The following RBMS3 variants were observed in gnomAD, a reference collection of about 807,000 sequenced individuals.
RBMS3 encodes the protein RNA binding motif single stranded interacting protein 3.
RBMS3 carries 27 observed loss-of-function variants against 66.8 expected under a neutral mutation model. The ratio of observed to expected loss-of-function variants is 0.40; its 90% CI spans 0.30 to 0.56. The LOEUF is 0.56. Among genes scored for constraint, RBMS3 ranks in the 20% least tolerant of loss-of-function variants. The pLI, the probability that RBMS3 is intolerant of heterozygous loss-of-function variation, is 0.40. For synonymous variants in RBMS3, 188 were observed against 183.0 expected (o/e 1.03, Z -0.22); for missense variants, 513 against 549.5 (o/e 0.93, Z 0.66).
chr3:29,519,632 T>C (rs1359885379), intron 3 of RBMS3, among the ~76,000 whole-genome samples: 1 of 152,124 alleles, frequency 6.6e-6, no homozygotes, highest in Non-Finnish European at 1.5e-5. Flanking sequence ...TTGGTTTCTA[T>C]CTGAATGAAA....
chr3:29,845,239 T>C (rs1319583223), intron 6 of RBMS3, among the ~76,000 whole-genome samples: 2 of 152,208 alleles, frequency 1.3e-5, no homozygotes, highest in African/African-American at 4.8e-5. Flanking sequence ...GCTATTATTA[T>C]TTTAGAGGGA....
chr3:29,601,886 C>T (rs565448865), intron 4 of RBMS3, among the ~76,000 whole-genome samples: 1 of 152,110 alleles, frequency 6.6e-6, no homozygotes, highest in South Asian at 2.1e-4. Context: ...TATGAGTGAG[C>T]ATAGGCTGTG....
At chr3:29,826,122 A>G (rs1249330613) in intron 6 of RBMS3, among the ~76,000 whole-genome samples, 1 of 152,182 alleles carries the variant, frequency 6.6e-6, no homozygotes, top group African/African-American at 2.4e-5. Flanking sequence ...TACTGATGGC[A>G]TGTATATCAA....
intron 1 of RBMS3, among the ~76,000 whole-genome samples, chr3:29,383,992 T>G (rs2125629189): frequency 6.6e-6 from 1 of 152,290 alleles, no homozygotes; most frequent in Non-Finnish European, 1.5e-5. Flanking sequence ...AAATAAACCA[T>G]TACCTGAGGT....
chr3:29,441,658 G>A (rs562494150), intron 2 of RBMS3, among the ~76,000 whole-genome samples: 5 of 152,228 alleles, frequency 3.3e-5, no homozygotes, highest in Middle Eastern at 3.4e-3. Flanking sequence ...ATGACTACTC[G>A]TGAGAATCCC....
In RBMS3 at chr3:30,008,604, A is replaced by G. The variant is rs1224395874; in HGVS notation, c.*4742A>G. On this transcript the variant is annotated 3_prime_UTR_variant, in exon 15 of 15. Transcript: ENST00000383767. ...CTGGGACTGACAGCCTCTCACTTCA[A>G]TCTGAGGGATTGACAGAATTTAAAC... is the stretch of plus-strand genomic sequence containing the variant. The G allele has an allele frequency of 6.6e-6, 1 of 152,042 alleles. No individual in the cohort carries two copies. The highest frequency in any genetic ancestry group is 1.5e-5 in the Non-Finnish European group (1 of 67,954). 9.4% of individuals were successfully genotyped at this position (152,042 alleles called of 1,614,324 possible). A position where few individuals can be genotyped will look rare whatever the true frequency, so the allele number is the denominator to read the frequency against.
chr3:29,392,559 G>A (rs1000143094), intron 1 of RBMS3, among the ~76,000 whole-genome samples: 2 of 152,120 alleles, frequency 1.3e-5, no homozygotes, highest in Admixed American at 6.5e-5. Flanking sequence ...CCACCATTTA[G>A]TACTTATTAT....
intron 5 of RBMS3, among the ~76,000 whole-genome samples, chr3:29,745,014 A>AC (rs917748641): frequency 4.1e-4 from 62 of 150,958 alleles, no homozygotes; most frequent in African/African-American, 8.0e-4. Context: ...ACTGGAAAGA[A>AC]CCCCCCCGCC....
rs1411353725 is a variant in RBMS3, at chr3:29,986,366, A to C, written c.1099-1777A>C. Among the ~76,000 whole-genome samples, 3 of 152,352 alleles carry C rather than the reference A, an allele frequency of 2.0e-5. No homozygotes were observed. The East Asian group carries it at 5.8e-4, about 29-fold the overall frequency. On this transcript the variant is annotated intron_variant, in intron 12 of 14. Transcript: ENST00000383767. ...ATACCAAAATCAAAACAAAAGTTTT[A>C]GAAATACTAGTTTATCACCTTTAAT...
intron 2 of RBMS3, among the ~76,000 whole-genome samples, chr3:29,442,653 G>A (rs2041671488): frequency 6.6e-6 from 1 of 151,968 alleles, no homozygotes; most frequent in Admixed American, 6.6e-5. Context: ...AAAATTTGAG[G>A]GACTTGAGTT....
intron 2 of RBMS3, among the ~76,000 whole-genome samples, chr3:29,439,046 G>T (rs1394646658): frequency 6.6e-6 from 1 of 152,158 alleles, no homozygotes; most frequent in African/African-American, 2.4e-5. Flanking sequence ...TGGAAGAGCA[G>T]CCAGGTAAAG....
intron 3 of RBMS3, among the ~76,000 whole-genome samples, chr3:29,556,614 A>G (rs890069293): frequency 1.3e-5 from 2 of 152,004 alleles, no homozygotes; most frequent in Non-Finnish European, 2.9e-5. Flanking sequence ...AAAAAAAAAG[A>G]AAAAGAAAAT....
chr3:29,356,565 C>A (rs1275737031), intron 1 of RBMS3, among the ~76,000 whole-genome samples: 1 of 136,594 alleles, frequency 7.3e-6, no homozygotes, highest in Non-Finnish European at 1.6e-5. Context: ...TCATGATTAT[C>A]CTAAACATTC....
At chr3:29,326,861 G>T (rs925813845) in intron 1 of RBMS3, among the ~76,000 whole-genome samples, 11 of 151,720 alleles carry the variant, frequency 7.3e-5, no homozygotes, top group Non-Finnish European at 1.5e-4. Flanking sequence ...CTCACAAGTA[G>T]CTGGGACTAC....
chr3:29,992,201 G>GA lies in RBMS3; in HGVS notation c.1307+1000dup, dbSNP rs560949148. 3.3e-5 allele frequency among the ~76,000 whole-genome samples: 5 copies of GA among 151,956 alleles called. No homozygotes were observed. The East Asian group carries it at 5.8e-4, about 18-fold the overall frequency. ...ATTTAAAATAATTTTTCTTATTAAA[G>GA]AAAAAAAATATTCTGATATTTGTTA... On this transcript the variant is annotated intron_variant, in intron 14 of 14. Coordinates refer to ENST00000383767, the MANE Select transcript of RBMS3 (RefSeq NM_001003793.3).
At chr3:29,503,809 A>C (rs888528574) in intron 3 of RBMS3, among the ~76,000 whole-genome samples, 2 of 152,144 alleles carry the variant, frequency 1.3e-5, no homozygotes, top group Admixed American at 1.3e-4. Flanking sequence ...GTACCTCTGC[A>C]GTGGAAAAAA....
chr3:29,356,302 C>T (rs1173370529), intron 1 of RBMS3, among the ~76,000 whole-genome samples: 1 of 152,134 alleles, frequency 6.6e-6, no homozygotes, highest in African/African-American at 2.4e-5. Flanking sequence ...GTTTCACAAA[C>T]CTCTCAGTAA....
chr3:29,435,086 G>A (rs768515332), intron 2 of RBMS3, 171 bp downstream of exon 2: 11 of 743,380 alleles, frequency 1.5e-5, no homozygotes, highest in Non-Finnish European at 2.3e-5. Context: ...TTGGGGAGTG[G>A]AATTGGTTTA....
At chr3:29,842,193 T>G (rs9865720) in intron 6 of RBMS3, among the ~76,000 whole-genome samples, 2,299 of 152,258 alleles carry the variant, frequency 0.015, 51 homozygotes, top group African/African-American at 0.051. Context: ...AGTGCACCAT[T>G]CACATTATTG....
Sources: gnomAD v4.1 joint callset for allele counts (sites outside exome capture counted in the v4.1 genomes callset) on GRCh38, gnomAD v4.1.1 for gene constraint, MANE v1.5 for transcripts, NCBI Gene and HGNC (gene_info 2026-07-23, HGNC 2026-07-21) for gene names.